The following FAM168A variants were observed in gnomAD, a reference collection of about 807,000 sequenced individuals.
FAM168A encodes the protein family with sequence similarity 168 member A.
A neutral mutation model predicts 28.5 loss-of-function variants in FAM168A; 3 were observed. The ratio of observed to expected loss-of-function variants is 0.11; its 90% CI spans 0.05 to 0.27. The LOEUF (loss-of-function observed/expected upper bound fraction) is 0.27. Ranked by LOEUF, FAM168A falls within the 10% of genes least tolerant of loss-of-function variation. The pLI, the probability that FAM168A is intolerant of heterozygous loss-of-function variation, is 1.00. For synonymous variants in FAM168A, 122 were observed against 124.2 expected, an observed-to-expected ratio of 0.98 and a Z score of 0.12; for missense variants, 222 against 311.5, an observed-to-expected ratio of 0.71 and a Z score of 2.16.
Position 73,511,999 on chromosome 11 carries a change from C to T in FAM168A, c.-18-43507G>A, listed in dbSNP as rs548519761. ...TTTATCTGTCTCTGTCATGAGATTG[C>T]GAACAGCTTGCAAACAGGGGAAGTA... is the stretch of plus-strand genomic sequence containing the variant. On this transcript the variant is annotated intron_variant, in intron 1 of 7. Coordinates refer to ENST00000356467, the MANE Select transcript of FAM168A (RefSeq NM_015159.3). 1.2e-3 allele frequency among the ~76,000 whole-genome samples: 176 copies of T among 152,194 alleles called. 1 individual carries two copies. Among genetic ancestry groups the T allele is most frequent in the African/African-American group, 4.0e-3 (168 of 41,516 alleles).
intron 3 of FAM168A, among the ~76,000 whole-genome samples, chr11:73,426,751 A>C (rs1258401602): frequency 7.0e-6 from 1 of 142,804 alleles, no homozygotes; most frequent in Non-Finnish European, 1.5e-5. Context: ...CTCAAAGGGA[A>C]AGGGATCTTC....
chr11:73,534,943 T>C (rs1943558990), intron 1 of FAM168A, among the ~76,000 whole-genome samples: 1 of 151,924 alleles, frequency 6.6e-6, no homozygotes, highest in Non-Finnish European at 1.5e-5. Flanking sequence ...ATATTGAGGA[T>C]CCCCCTACAG....
chr11:73,418,813 T>TA (rs1270113675), intron 4 of FAM168A, among the ~76,000 whole-genome samples: 1 of 151,654 alleles, frequency 6.6e-6, no homozygotes, highest in Non-Finnish European at 1.5e-5. Flanking sequence ...AATTTCATTT[T>TA]TTTTTTTTTT....
At chr11:73,487,035 A>G (rs1868061954) in intron 1 of FAM168A, among the ~76,000 whole-genome samples, 1 of 152,216 alleles carries the variant, frequency 6.6e-6, no homozygotes, top group Non-Finnish European at 1.5e-5. Context: ...TGAATAAAAT[A>G]CGAATGATCT....
intron 2 of FAM168A, among the ~76,000 whole-genome samples, chr11:73,451,480 C>T (rs371550340): frequency 6.6e-6 from 1 of 152,162 alleles, no homozygotes; most frequent in African/African-American, 2.4e-5. Flanking sequence ...GCACTGAGAA[C>T]ACAATGACTG....
intron 1 of FAM168A, among the ~76,000 whole-genome samples, chr11:73,512,428 T>G (rs1417176524): frequency 6.6e-6 from 1 of 152,166 alleles, no homozygotes; most frequent in South Asian, 2.1e-4. Flanking sequence ...AAGTGGCTGC[T>G]AATAGGTACA....
chr11:73,426,940 T>C (rs1034460542), intron 3 of FAM168A, among the ~76,000 whole-genome samples: 2 of 152,224 alleles, frequency 1.3e-5, no homozygotes, highest in African/African-American at 2.4e-5. Flanking sequence ...AAAACAAAAT[T>C]GGGGACAATC....
rs765156502 is a variant in FAM168A at position 73,409,556 on chromosome 11, C to T, written c.526G>A (p.Val176Ile). 4 of 1,613,866 alleles carry T rather than the reference C, an allele frequency of 2.5e-6. No individual in the cohort carries two copies. Among genetic ancestry groups the T allele is most frequent in the East Asian group, 2.2e-5 (1 of 44,888 alleles). ...ACACCGTTGGTCCTCGGGGCGGCAACAGGTGCTGGGTAGATAGCAGAGGGA... is the reference window on the plus strand; with the variant it reads ...ACACCGTTGGTCCTCGGGGCGGCAATAGGTGCTGGGTAGATAGCAGAGGGA... ...SIPSAIYPAP[V>I]AAPRTNGVAM... Residue 176 changes from valine (V) to isoleucine (I), a missense_variant, in exon 6 of 8, where the codon GTT (valine) becomes ATT (isoleucine). Val to Ile is a conservative substitution (Grantham distance 29). Coordinates refer to ENST00000356467, the MANE Select transcript of FAM168A (RefSeq NM_015159.3).
At chr11:73,470,674 A>G (rs1867801661) in intron 1 of FAM168A, among the ~76,000 whole-genome samples, 1 of 152,134 alleles carries the variant, frequency 6.6e-6, no homozygotes, top group Non-Finnish European at 1.5e-5. Flanking sequence ...GGCCCTTGAC[A>G]GATGCTTGTA....
At chr11:73,587,037 A>G (rs532451326) in intron 1 of FAM168A, among the ~76,000 whole-genome samples, 3 of 152,190 alleles carry the variant, frequency 2.0e-5, no homozygotes, top group Non-Finnish European at 4.4e-5. Context: ...CCAATAAGAA[A>G]TAAGTAAAGC....
chr11:73,582,720 A>G (rs1304865681), intron 1 of FAM168A, among the ~76,000 whole-genome samples: 1 of 152,240 alleles, frequency 6.6e-6, no homozygotes. Context: ...AATAAAGAGG[A>G]AACTTTGAAG....
chr11:73,587,350 G>C (rs1389230766), intron 1 of FAM168A, among the ~76,000 whole-genome samples: 7 of 152,004 alleles, frequency 4.6e-5, no homozygotes, highest in African/African-American at 1.7e-4. Context: ...AAATTAGCCG[G>C]GCATGGTTTC....
intron 1 of FAM168A, among the ~76,000 whole-genome samples, chr11:73,581,677 T>A (rs1033510383): frequency 2.0e-5 from 3 of 152,220 alleles, no homozygotes; most frequent in African/African-American, 7.2e-5. Context: ...ACCCTGTCTC[T>A]GCTACTTATT....
intron 1 of FAM168A, among the ~76,000 whole-genome samples, chr11:73,576,716 T>C: frequency 6.6e-6 from 1 of 152,290 alleles, no homozygotes; most frequent in African/African-American, 2.4e-5. Context: ...TCCTATTTCT[T>C]TTCTTGCCCA....
intron 1 of FAM168A, among the ~76,000 whole-genome samples, chr11:73,584,579 T>C (rs1218059777): frequency 6.6e-6 from 1 of 150,732 alleles, no homozygotes; most frequent in Non-Finnish European, 1.5e-5. Context: ...GTTCACGCCA[T>C]TCTCCCACCT....
At chr11:73,454,209 A>T in intron 2 of FAM168A, among the ~76,000 whole-genome samples, 1 of 152,328 alleles carries the variant, frequency 6.6e-6, no homozygotes, top group South Asian at 2.1e-4. Flanking sequence ...AGAAAATGCA[A>T]AAGAAATAGA....
intron 4 of FAM168A, among the ~76,000 whole-genome samples, chr11:73,417,337 C>T (rs1235125890): frequency 6.6e-6 from 1 of 152,122 alleles, no homozygotes; most frequent in African/African-American, 2.4e-5. Context: ...ATCAATTATC[C>T]AAGGTTACAC....
intron 4 of FAM168A, chr11:73,412,291 T>G (rs1866626576): frequency 6.6e-6 from 1 of 152,228 alleles, no homozygotes; most frequent in Non-Finnish European, 1.5e-5. Context: ...AGGCCACCTC[T>G]GCCTGAAAAT....
At chr11:73,565,888 G>A (rs1944015544) in intron 1 of FAM168A, among the ~76,000 whole-genome samples, 1 of 152,182 alleles carries the variant, frequency 6.6e-6, no homozygotes, top group South Asian at 2.1e-4. Context: ...TGAGAGAGGA[G>A]CTCTTAATTA....
Sources: allele counts gnomAD v4.1 joint callset (sites outside exome capture counted in the v4.1 genomes callset), GRCh38; gene constraint gnomAD v4.1.1; transcripts MANE v1.5; gene names NCBI Gene and HGNC (gene_info 2026-07-23, HGNC 2026-07-21).